PRDM16: variants seen among roughly 807,000 people sequenced by gnomAD.
The protein encoded by PRDM16 is histone-lysine N-methyltransferase PRDM16.
PRDM16 carries 23 observed loss-of-function variants against 110.6 expected under a neutral mutation model. That is an observed-to-expected ratio of 0.21 (90% CI 0.15 to 0.29). The LOEUF is 0.29. Ranked by LOEUF, PRDM16 falls within the 10% of genes least tolerant of loss-of-function variation. The pLI is 1.00. For missense variants in PRDM16, 1,615 were observed against 1,794.3 expected (o/e 0.90, Z 1.81); for synonymous variants, 799 against 781.8 (o/e 1.02, Z -0.37).
At chr1:3,180,698 C>T (rs551174154) in intron 1 of PRDM16, among the ~76,000 whole-genome samples, 2 of 134,378 alleles carry the variant, frequency 1.5e-5, no homozygotes, top group Non-Finnish European at 1.6e-5. Flanking sequence ...TTCAGCCCCT[C>T]ACCCAGCAGA....
At chr1:3,400,128 C>T (rs1322714038) in intron 5 of PRDM16, among the ~76,000 whole-genome samples, 4 of 152,250 alleles carry the variant, frequency 2.6e-5, no homozygotes, top group Admixed American at 2.6e-4. Context: ...CCTGCCAGCC[C>T]TGCTTCCTCG....
intron 3 of PRDM16, among the ~76,000 whole-genome samples, chr1:3,360,772 G>T (rs1356416129): frequency 1.3e-5 from 2 of 152,218 alleles, no homozygotes; most frequent in Non-Finnish European, 2.9e-5. Context: ...TGTGGCCACA[G>T]CGCCCGCAGA....
chr1:3,181,826 T>G (rs1247578350), intron 1 of PRDM16, among the ~76,000 whole-genome samples: 2 of 93,118 alleles, frequency 2.1e-5, no homozygotes, highest in East Asian at 5.2e-4. Context: ...ACATGCGGTC[T>G]TACACATTCA....
intron 4 of PRDM16, among the ~76,000 whole-genome samples, chr1:3,386,414 G>C (rs941106965): frequency 6.6e-6 from 1 of 152,210 alleles, no homozygotes; most frequent in African/African-American, 2.4e-5. Context: ...CGCAGGCCCC[G>C]GCTGGCTGCC....
intron 1 of PRDM16, among the ~76,000 whole-genome samples, chr1:3,145,137 G>C (rs1481193334): frequency 6.6e-6 from 1 of 152,188 alleles, no homozygotes; most frequent in Non-Finnish European, 1.5e-5. Context: ...ATGCCACCCA[G>C]CCAGGCTTCC....
At chr1:3,079,886 C>T (rs1641982447) in intron 1 of PRDM16, among the ~76,000 whole-genome samples, 1 of 152,242 alleles carries the variant, frequency 6.6e-6, no homozygotes, top group Admixed American at 6.5e-5. Context: ...CAACATCGCA[C>T]ACTTCCCTGC....
At chr1:3,258,181 G>A (rs1220733873) in intron 3 of PRDM16, among the ~76,000 whole-genome samples, 2 of 152,216 alleles carry the variant, frequency 1.3e-5, no homozygotes, top group Non-Finnish European at 2.9e-5. Context: ...GCTGCACTGA[G>A]ATGCCCGTGT....
intron 3 of PRDM16, among the ~76,000 whole-genome samples, chr1:3,369,155 G>A (rs1376332567): frequency 1.3e-5 from 2 of 152,208 alleles, no homozygotes; most frequent in African/African-American, 2.4e-5. Flanking sequence ...AAGGTGACTA[G>A]CTGTAGGTAC....
At chr1:3,294,580 C>G (rs1355463829) in intron 3 of PRDM16, among the ~76,000 whole-genome samples, 8 of 152,134 alleles carry the variant, frequency 5.3e-5, no homozygotes, top group Non-Finnish European at 1.2e-4. Context: ...TCCTCCTCCC[C>G]CCAGGAACAT....
rs549821991 is a variant in PRDM16, at chr1:3,405,587, C to T, written c.1125C>T (p.Phe375=). 8 of 1,611,428 alleles carry T rather than the reference C, an allele frequency of 5.0e-6. No individual in the cohort carries two copies. The highest frequency in any genetic ancestry group is 2.2e-5 in the South Asian group (2 of 90,886). ...AHACPDCGKT[F]ATSSGLKQHK... is the part of the protein sequence containing the mutation. ...CCTGCCCCGACTGCGGGAAGACCTT[C>T]GCCACGTCCTCCGGCCTCAAGCAGC... Residue 375 remains phenylalanine (F), a synonymous_variant, in exon 8 of 17, where the codon TTC becomes TTT. Transcript: ENST00000270722.
At chr1:3,070,122 C>T (rs1219407460) in intron 1 of PRDM16, among the ~76,000 whole-genome samples, 2 of 151,992 alleles carry the variant, frequency 1.3e-5, no homozygotes, top group East Asian at 1.9e-4. Context: ...CCCTCGGGCC[C>T]GCGTGGACCC....
intron 2 of PRDM16, among the ~76,000 whole-genome samples, chr1:3,221,704 C>G (rs1639153909): frequency 6.6e-6 from 1 of 152,222 alleles, no homozygotes; most frequent in Non-Finnish European, 1.5e-5. Flanking sequence ...CATGGATGCC[C>G]CCATGTACAC....
chr1:3,401,309 A>G (rs1291962785), intron 5 of PRDM16, among the ~76,000 whole-genome samples: 1 of 152,128 alleles, frequency 6.6e-6, no homozygotes, highest in African/African-American at 2.4e-5. Context: ...ATCTGCCCCC[A>G]TCCCCCCGTC....
chr1:3,129,353 G>A lies in PRDM16; in HGVS notation c.38-56772G>A, dbSNP rs185990077. On this transcript the variant is annotated intron_variant, in intron 1 of 16. Transcript: ENST00000270722. ...GTGTGTCCTGCCTGGTTGTGTGTGTGTGCGCACGTGGGTGAGTGTGTGGGT... is the reference window on the plus strand; with the variant it reads ...GTGTGTCCTGCCTGGTTGTGTGTGTATGCGCACGTGGGTGAGTGTGTGGGT... 2.0e-4 allele frequency among the ~76,000 whole-genome samples: 28 copies of A among 139,762 alleles called. 1 individual carries two copies. The East Asian group carries it at 5.9e-3, about 29-fold the overall frequency. 91.7% of individuals were successfully genotyped at this position (139,762 alleles called of 152,430 possible).
At position 3,175,129 on chromosome 1, in the gene PRDM16, C is replaced by A. The variant is rs1229521842; in HGVS notation, c.38-10996C>A. Among the ~76,000 whole-genome samples, 1 of 152,102 alleles carries A rather than the reference C, an allele frequency of 6.6e-6. No homozygotes were observed. Among genetic ancestry groups the A allele is most frequent in the Non-Finnish European group, 1.5e-5 (1 of 68,024 alleles). On this transcript the variant is annotated intron_variant, in intron 1 of 16. Coordinates refer to ENST00000270722, the MANE Select transcript of PRDM16 (RefSeq NM_022114.4). This position sits in a 1 kb window ranked among gnomAD's most constrained non-coding sequence, Gnocchi z 4.8. Reference sequence around the variant, plus strand: ...CTTGTCTCAAAGCCAAGATCCAGGGCGAGGGGAGAAGCTATTGCCTTTACC... The same window carrying A: ...CTTGTCTCAAAGCCAAGATCCAGGGAGAGGGGAGAAGCTATTGCCTTTACC...
In PRDM16 at chr1:3,438,495, A is replaced by C. The variant is rs1638965005; in HGVS notation, c.*4684A>C. The C allele has an allele frequency of 4.8e-6, 1 of 207,708 alleles. No homozygotes were observed. The highest frequency in any genetic ancestry group is 2.3e-5 in the African/African-American group (1 of 43,872). The allele number at this position is 207,708 out of a possible 1,614,324, so 12.9% of individuals were successfully genotyped here. ...GTGTAGAGACATTTCCTTAAGAGAA[A>C]GCCTAGGAGAAGCCGATTTGGAGGT... On this transcript the variant is annotated 3_prime_UTR_variant, in exon 17 of 17. Transcript: ENST00000270722.
At chr1:3,345,886 C>T (rs867420226) in intron 3 of PRDM16, among the ~76,000 whole-genome samples, 2 of 152,084 alleles carry the variant, frequency 1.3e-5, no homozygotes, top group African/African-American at 4.8e-5. Flanking sequence ...TCTCACTCCA[C>T]CCAGAGCTAC....
At chr1:3,367,213 G>A (rs538947273) in intron 3 of PRDM16, among the ~76,000 whole-genome samples, 1 of 152,110 alleles carries the variant, frequency 6.6e-6, no homozygotes, top group East Asian at 1.9e-4. Flanking sequence ...AGGTTGCAGC[G>A]AGCCGAGATG....
chr1:3,364,336 C>T (rs1430268855), intron 3 of PRDM16, among the ~76,000 whole-genome samples: 2 of 152,160 alleles, frequency 1.3e-5, no homozygotes, highest in Non-Finnish European at 2.9e-5. Flanking sequence ...ATGAAGTGGC[C>T]CCCAAGTCGT....
Sources: allele counts gnomAD v4.1 joint callset (sites outside exome capture counted in the v4.1 genomes callset), GRCh38; gene constraint gnomAD v4.1.1; non-coding constraint Gnocchi (gnomAD v3.1); transcripts MANE v1.5; gene names NCBI Gene and HGNC (gene_info 2026-07-23, HGNC 2026-07-21).